Variants in DNAJC22 observed in about 807,000 individuals in gnomAD.
The protein encoded by DNAJC22 is dnaJ homolog subfamily C member 22.
In DNAJC22, 24 loss-of-function variants were observed where a neutral mutation model predicts 22.2. The observed-to-expected ratio is 1.08, with a 90% CI of 0.78 to 1.52. The LOEUF is 1.52. Among genes scored for constraint, DNAJC22 ranks in the 40% most tolerant of loss-of-function variants. The probability of loss-of-function intolerance (pLI) is 0.00; values close to 1 mark genes in which losing one functional copy is unlikely to be tolerated. For missense variants in DNAJC22, 434 were observed against 421.7 expected (o/e 1.03, Z -0.26); for synonymous variants, 160 against 167.4 (o/e 0.96, Z 0.34).
At position 49,348,919 on chromosome 12, in the gene DNAJC22, G is replaced by T. The variant is rs539715180; in HGVS notation, c.47G>T (p.Gly16Val). Residue 16 changes from glycine (G) to valine (V), a missense_variant, in exon 3 of 4, where the codon GGC (glycine) becomes GTC (valine). Coordinates refer to ENST00000549441, the MANE Select transcript of DNAJC22 (RefSeq NM_001304944.2). ...ACCTATGCCCTCTGGGCTGTGGGGG[G>T]CCCTGCTGGGCTCCACCACCTGTAC... ...LVTYALWAVGGPAGLHHLYLG... is the reference protein window; with the variant it reads ...LVTYALWAVGVPAGLHHLYLG... The T allele has an allele frequency of 1.3e-6, 2 of 1,520,114 alleles. No homozygotes were observed. Among genetic ancestry groups the T allele is most frequent in the African/African-American group, 1.4e-5 (1 of 71,768 alleles). 94.2% of individuals were successfully genotyped at this position (1,520,114 alleles called of 1,614,324 possible).
chr12:49,349,934 G>T, intron 3 of DNAJC22: 1 of 937,818 alleles, frequency 1.1e-6, no homozygotes, highest in Non-Finnish European at 1.3e-6. Flanking sequence ...CTAATTTTAT[G>T]TATACCTGAC....
At chr12:49,349,932 A>G (rs1943758208) in intron 3 of DNAJC22, 1 of 942,804 alleles carries the variant, frequency 1.1e-6, no homozygotes, top group Non-Finnish European at 1.3e-6. Context: ...CACTAATTTT[A>G]TGTATACCTG....
chr12:49,349,870 AAT>A (rs1396818043), intron 3 of DNAJC22, 158 bp downstream of exon 3: 2 of 985,156 alleles, frequency 2.0e-6, no homozygotes, highest in Non-Finnish European at 2.4e-6. Context: ...GAGTAGGAAA[AAT>A]ATATGTGTAT....
chr12:49,348,906 TG>T lies in DNAJC22; in HGVS notation c.37del (p.Ala13LeufsTer24). ...AKGLLVTYAL[W>X]AVGGPAGLHH... Reference sequence around the variant, plus strand: ...GGGGCTCCTGGTGACCTATGCCCTCTGGGCTGTGGGGGGCCCTGCTGGGCTC... The same window carrying T: ...GGGGCTCCTGGTGACCTATGCCCTCTGGCTGTGGGGGGCCCTGCTGGGCTC... On this transcript the variant is annotated frameshift_variant, in exon 3 of 4. Transcript: ENST00000549441. LOFTEE classifies it high-confidence loss of function. 6.6e-7 allele frequency: 1 copy of T among 1,518,454 alleles called. No homozygotes were observed. Among genetic ancestry groups the T allele is most frequent in the Non-Finnish European group, 8.8e-7 (1 of 1,136,026 alleles). 94.1% of individuals were successfully genotyped at this position (1,518,454 alleles called of 1,614,324 possible).
chr12:49,349,741 G>A (rs753332972), intron 3 of DNAJC22, 29 bp downstream of exon 3: 34 of 1,612,508 alleles, frequency 2.1e-5, no homozygotes, highest in East Asian at 4.5e-5. Context: ...AGTCCTGTCC[G>A]GTGGCTCTGG....
Position 49,349,166 on chromosome 12 carries a change from C to G in DNAJC22, c.294C>G (p.Ser98Arg). 2 of 1,614,148 alleles carry G rather than the reference C, an allele frequency of 1.2e-6. No individual in the cohort carries two copies. Among genetic ancestry groups the G allele is most frequent in the Non-Finnish European group, 1.7e-6 (2 of 1,180,020 alleles). The change falls in exon 3 of 4, where the codon AGC becomes AGG. Residue 98 changes from serine to arginine, a missense_variant. By Grantham distance (110) the Ser-to-Arg change is moderately radical. Transcript: ENST00000549441. ...ATTTTGGCCTTGTGGCACTGATTAG[C>G]CTTTCTTCCATGGTCAACTTCTATA... is the stretch of plus-strand genomic sequence containing the variant. ...GIYFGLVALI[S>R]LSSMVNFYIV...
chr12:49,350,912 G>C (rs763386149), intron 3 of DNAJC22, among the ~76,000 whole-genome samples: 7 of 152,086 alleles, frequency 4.6e-5, no homozygotes, highest in Non-Finnish European at 1.0e-4. Flanking sequence ...TGAACATTTG[G>C]GTTGTTTATG....
rs1943707879 is a variant in DNAJC22 at position 49,346,916 on chromosome 12, C to G, written c.-1205C>G. On this transcript the variant is annotated 5_prime_UTR_variant, in exon 1 of 4. Coordinates refer to ENST00000549441, the MANE Select transcript of DNAJC22 (RefSeq NM_001304944.2). Reference sequence around the variant, plus strand: ...GAGCCCTAAGAGGTCATATAGAGAGCAGCATTTCCTCTCCAGGCCGAGATG... The same window carrying G: ...GAGCCCTAAGAGGTCATATAGAGAGGAGCATTTCCTCTCCAGGCCGAGATG... 6.6e-6 allele frequency: 1 copy of G among 152,310 alleles called. No individual in the cohort carries two copies. Among genetic ancestry groups the G allele is most frequent in the African/African-American group, 2.4e-5 (1 of 41,476 alleles). 9.4% of individuals were successfully genotyped at this position (152,310 alleles called of 1,614,324 possible).
At chr12:49,350,159 C>A (rs1173539330) in intron 3 of DNAJC22, among the ~76,000 whole-genome samples, 1 of 151,962 alleles carries the variant, frequency 6.6e-6, no homozygotes. Flanking sequence ...TCACTGCAAC[C>A]TCTGCCTCCT....
At chr12:49,351,179 AGCTGCT>A in intron 3 of DNAJC22, 132 bp from the exon 4 acceptor site, 1 of 1,479,068 alleles carries the variant, frequency 6.8e-7, no homozygotes, top group Non-Finnish European at 8.9e-7. Flanking sequence ...TTCTAACCTG[AGCTGCT>A]GGACCTTTCC....
chr12:49,351,541 A>C lies in DNAJC22; in HGVS notation c.*39A>C. Reference sequence around the variant, plus strand: ...CCTGAGGACTGACTCTTCCTAGCAGAGCTGGGCAACTTGTCCCAAATCTAG... The same window carrying C: ...CCTGAGGACTGACTCTTCCTAGCAGCGCTGGGCAACTTGTCCCAAATCTAG... On this transcript the variant is annotated 3_prime_UTR_variant, in exon 4 of 4. Coordinates refer to ENST00000549441, the MANE Select transcript of DNAJC22 (RefSeq NM_001304944.2). The C allele has an allele frequency of 6.7e-7, 1 of 1,493,068 alleles. No individual in the cohort carries two copies. The highest frequency in any genetic ancestry group is 8.9e-7 in the Non-Finnish European group (1 of 1,126,774). 92.5% of individuals were successfully genotyped at this position (1,493,068 alleles called of 1,614,324 possible).
rs1943716285 is a variant in DNAJC22 at position 49,347,709 on chromosome 12, C to CT, written c.-503dup. The CT allele has an allele frequency of 6.6e-6, 1 of 152,348 alleles. No individual in the cohort carries two copies. Among genetic ancestry groups the CT allele is most frequent in the Non-Finnish European group, 1.5e-5 (1 of 68,100 alleles). The allele number at this position is 152,348 out of a possible 1,614,324, so 9.4% of individuals were successfully genotyped here. On this transcript the variant is annotated 5_prime_UTR_variant, in exon 2 of 4. Transcript: ENST00000549441. ...CCTCCATAGGGGCAGTCCTGTGCTG[C>CT]TGTGCCTCGGTACCCGCACAAGGTG... is the stretch of plus-strand genomic sequence containing the variant.
At chr12:49,350,427 T>A (rs1943766154) in intron 3 of DNAJC22, among the ~76,000 whole-genome samples, 1 of 151,876 alleles carries the variant, frequency 6.6e-6, no homozygotes, top group East Asian at 1.9e-4. Flanking sequence ...CCGTATGTGT[T>A]CTTTTGTATT....
intron 2 of DNAJC22, among the ~76,000 whole-genome samples, chr12:49,348,486 G>GAAAAGCAT (rs1943728146): frequency 6.6e-6 from 1 of 152,080 alleles, no homozygotes; most frequent in Admixed American, 6.5e-5. Context: ...GGGAACTTTG[G>GAAAAGCAT]AAAAGCATCC....
At chr12:49,350,273 C>T (rs941168937) in intron 3 of DNAJC22, among the ~76,000 whole-genome samples, 1 of 151,676 alleles carries the variant, frequency 6.6e-6, no homozygotes, top group Non-Finnish European at 1.5e-5. Flanking sequence ...GACAGGGTTT[C>T]GCCATGTTGG....
At chr12:49,350,890 C>T (rs1037664671) in intron 3 of DNAJC22, among the ~76,000 whole-genome samples, 1 of 152,132 alleles carries the variant, frequency 6.6e-6, no homozygotes, top group Admixed American at 6.5e-5. Context: ...AATTTATTCA[C>T]TCTATTGTTA....
chr12:49,349,534 G>T lies in DNAJC22; in HGVS notation c.662G>T (p.Trp221Leu). 1.2e-6 allele frequency: 2 copies of T among 1,614,196 alleles called. No homozygotes were observed. The highest frequency in any genetic ancestry group is 1.7e-6 in the Non-Finnish European group (2 of 1,180,036). The change falls in exon 3 of 4, where the codon TGG becomes TTG. Residue 221 changes from tryptophan (W) to leucine (L), a missense_variant. Coordinates refer to ENST00000549441, the MANE Select transcript of DNAJC22 (RefSeq NM_001304944.2). Reference sequence around the variant, plus strand: ...GAAACCTTTGGCTCCTTCTTGAATTGGTTCAGCTTCTTCCCCCTTCTTGGC... The same window carrying T: ...GAAACCTTTGGCTCCTTCTTGAATTTGTTCAGCTTCTTCCCCCTTCTTGGC... ...VAETFGSFLN[W>L]FSFFPLLGRL...
At chr12:49,348,207 G>A (rs1160586653) in intron 2 of DNAJC22, 102 bp downstream of exon 2, 1 of 152,234 alleles carries the variant, frequency 6.6e-6, no homozygotes, top group Non-Finnish European at 1.5e-5. Flanking sequence ...ATATTGTGAG[G>A]ATTTGTCCAG....
In DNAJC22 at chr12:49,351,511, T is replaced by A; in HGVS notation, c.*9T>A. The A allele has an allele frequency of 6.5e-7, 1 of 1,528,436 alleles. No homozygotes were observed. Among genetic ancestry groups the A allele is most frequent in the East Asian group, 2.4e-5 (1 of 42,310 alleles). 94.7% of individuals were successfully genotyped at this position (1,528,436 alleles called of 1,614,324 possible). ...GGGGATCCCGGAGGTGAAAAGAAACTTCCCCCTGAGGACTGACTCTTCCTA... is the reference window on the plus strand; with the variant it reads ...GGGGATCCCGGAGGTGAAAAGAAACATCCCCCTGAGGACTGACTCTTCCTA... On this transcript the variant is annotated 3_prime_UTR_variant, in exon 4 of 4. Coordinates refer to ENST00000549441, the MANE Select transcript of DNAJC22 (RefSeq NM_001304944.2).
Sources: gnomAD v4.1 joint callset for allele counts (sites outside exome capture counted in the v4.1 genomes callset) on GRCh38, gnomAD v4.1.1 for gene constraint, MANE v1.5 for transcripts, NCBI Gene and HGNC (gene_info 2026-07-23, HGNC 2026-07-21) for gene names.